The following POLR3B variants were observed in gnomAD, a reference collection of about 807,000 sequenced individuals.
The protein encoded by POLR3B is DNA-directed RNA polymerase III subunit RPC2.
In POLR3B, 96 loss-of-function variants were observed where a neutral mutation model predicts 147.4. The observed-to-expected ratio is 0.65, with a 90% CI of 0.55 to 0.77. The LOEUF (loss-of-function observed/expected upper bound fraction) is 0.77. POLR3B is among the 30% of genes least tolerant of loss of function. The probability of loss-of-function intolerance (pLI) is 0.00; values close to 1 mark genes in which losing one functional copy is unlikely to be tolerated. For missense variants in POLR3B, 1,036 were observed against 1,413.5 expected (o/e 0.73, Z 4.28); for synonymous variants, 461 against 485.9 (o/e 0.95, Z 0.67).
intron 12 of POLR3B, among the ~76,000 whole-genome samples, chr12:106,411,210 C>T (rs188998624): frequency 1.5e-4 from 23 of 152,234 alleles, no homozygotes; most frequent in Admixed American, 1.5e-3. Flanking sequence ...ACGATCTCAG[C>T]TCACTGCAAC....
intron 23 of POLR3B, among the ~76,000 whole-genome samples, chr12:106,473,856 T>G (rs911553233): frequency 2.7e-5 from 4 of 150,158 alleles, no homozygotes; most frequent in African/African-American, 9.8e-5. Context: ...TACCCTTTAT[T>G]TCCTTCTCCT....
At chr12:106,383,834 C>T (rs560904071) in intron 9 of POLR3B, among the ~76,000 whole-genome samples, 90 of 151,952 alleles carry the variant, frequency 5.9e-4, no homozygotes, top group African/African-American at 2.0e-3. Flanking sequence ...AAAAATTAGC[C>T]GGGTGTGGTG....
chr12:106,451,188 A>G (rs961289115), intron 19 of POLR3B, among the ~76,000 whole-genome samples: 2 of 152,136 alleles, frequency 1.3e-5, no homozygotes, highest in African/African-American at 4.8e-5. Flanking sequence ...GGGGTTAGGA[A>G]TGTTCTGAAT....
intron 1 of POLR3B, chr12:106,358,208 G>A (rs2036416954): frequency 1.4e-6 from 2 of 1,412,928 alleles, no homozygotes; most frequent in Admixed American, 2.9e-5. Context: ...TAGGGTTGGA[G>A]CTCTTCCAGC....
chr12:106,509,612 G>C lies in POLR3B; in HGVS notation c.*63G>C. 6.8e-7 allele frequency: 1 copy of C among 1,464,080 alleles called. No homozygotes were observed. 90.7% of individuals were successfully genotyped at this position (1,464,080 alleles called of 1,614,324 possible). A position where few individuals can be genotyped will look rare whatever the true frequency, so the allele number is the denominator to read the frequency against. ...CATCCAATGCAACGGAAAGCAGAAG[G>C]GATTTAGGACTACGTCTCCTCCTGT... On this transcript the variant is annotated 3_prime_UTR_variant, in exon 28 of 28. Transcript: ENST00000228347.
chr12:106,452,733 G>A (rs1593049237), intron 19 of POLR3B, among the ~76,000 whole-genome samples: 2 of 152,204 alleles, frequency 1.3e-5, no homozygotes, highest in South Asian at 2.1e-4. Context: ...TTATTAGTTG[G>A]CACTAAAATA....
chr12:106,457,224 A>G lies in POLR3B; in HGVS notation c.2380A>G (p.Met794Val). Reference protein sequence around the residue: ...NQTFDKVMGPMLDAATRKPIW... With the variant: ...NQTFDKVMGPVLDAATRKPIW... ...GACTTTTGATAAAGTGATGGGGCCCATGTTGGATGCTGCTACAAGGAAACC... is the reference window on the plus strand; with the variant it reads ...GACTTTTGATAAAGTGATGGGGCCCGTGTTGGATGCTGCTACAAGGAAACC... The change falls in exon 21 of 28, where the codon ATG becomes GTG. Residue 794 changes from methionine (M) to valine (V), a missense_variant. Physicochemically the swap from Met to Val is conservative, Grantham distance 21. Coordinates refer to ENST00000228347, the MANE Select transcript of POLR3B (RefSeq NM_018082.6). 1 of 1,613,222 alleles carries G rather than the reference A, an allele frequency of 6.2e-7. No individual in the cohort carries two copies. The highest frequency in any genetic ancestry group is 8.5e-7 in the Non-Finnish European group (1 of 1,179,184).
chr12:106,468,501 C>A (rs2038039960), intron 23 of POLR3B, among the ~76,000 whole-genome samples: 1 of 152,104 alleles, frequency 6.6e-6, no homozygotes, highest in Non-Finnish European at 1.5e-5. Context: ...AATGTGTTTG[C>A]TCTTGCTTCT....
At chr12:106,470,834 C>T (rs927106571) in intron 23 of POLR3B, among the ~76,000 whole-genome samples, 3 of 152,110 alleles carry the variant, frequency 2.0e-5, no homozygotes, top group African/African-American at 4.8e-5. Flanking sequence ...CTGGAAGCTT[C>T]GTCCCAGAGG....
In POLR3B at chr12:106,465,899, T is replaced by G. The variant is rs534306370; in HGVS notation, c.2713+2279T>G. Among the ~76,000 whole-genome samples, 4 of 152,348 alleles carry G rather than the reference T, an allele frequency of 2.6e-5. No individual in the cohort carries two copies. The East Asian group carries it at 5.8e-4, about 22-fold the overall frequency. ...TGGGTTGGTTCCAAGTCTTTACTAT[T>G]GTGAATAGTGCCACAATAAACATAC... On this transcript the variant is annotated intron_variant, in intron 23 of 27. Coordinates refer to ENST00000228347, the MANE Select transcript of POLR3B (RefSeq NM_018082.6).
intron 10 of POLR3B, among the ~76,000 whole-genome samples, chr12:106,396,936 TTTGTTG>T (rs201704192): frequency 1.1e-4 from 16 of 151,292 alleles, no homozygotes; most frequent in Non-Finnish European, 1.5e-4. Context: ...TACCAAAGGT[TTTGTTG>T]TTGTTGTTGT....
At chr12:106,483,183 C>T (rs963244964) in intron 23 of POLR3B, among the ~76,000 whole-genome samples, 3 of 152,134 alleles carry the variant, frequency 2.0e-5, no homozygotes, top group Non-Finnish European at 2.9e-5. Context: ...GCTCACATTC[C>T]GCAAATGCTG....
At chr12:106,367,032 C>T (rs753617516) in intron 4 of POLR3B, among the ~76,000 whole-genome samples, 22 of 152,076 alleles carry the variant, frequency 1.4e-4, no homozygotes, top group African/African-American at 4.3e-4. Context: ...GAATCTGGGA[C>T]GGGGAGATTT....
At chr12:106,451,933 A>G (rs897011343) in intron 19 of POLR3B, among the ~76,000 whole-genome samples, 3 of 152,208 alleles carry the variant, frequency 2.0e-5, no homozygotes, top group Non-Finnish European at 4.4e-5. Context: ...ATTGGAGACC[A>G]TAGTACAGCA....
At position 106,501,452 on chromosome 12, in the gene POLR3B, T is replaced by A. The variant is rs373229778; in HGVS notation, c.3098+16T>A. Reference sequence around the variant, plus strand: ...TCCTTACCAGGTAAGAGAAAAGTACTTACAAAAAGAATTGATAATGCAGTC... The same window carrying A: ...TCCTTACCAGGTAAGAGAAAAGTACATACAAAAAGAATTGATAATGCAGTC... On this transcript the variant is annotated intron_variant, in intron 26 of 27. Transcript: ENST00000228347. 3.5e-6 allele frequency: 5 copies of A among 1,447,274 alleles called. No individual in the cohort carries two copies. Among genetic ancestry groups the A allele is most frequent in the Non-Finnish European group, 4.9e-6 (5 of 1,028,276 alleles). The allele number at this position is 1,447,274 out of a possible 1,614,324, so 89.7% of individuals were successfully genotyped here.
At chr12:106,363,829 C>T (rs1396537773) in intron 1 of POLR3B, 41 bp from the exon 2 acceptor site, 31 of 1,504,348 alleles carry the variant, frequency 2.1e-5, no homozygotes, top group Non-Finnish European at 2.9e-5. Context: ...AGTACTGTTG[C>T]TGGTACAGAG....
intron 18 of POLR3B, among the ~76,000 whole-genome samples, chr12:106,442,791 T>C (rs1190645566): frequency 2.0e-5 from 3 of 152,072 alleles, no homozygotes; most frequent in Admixed American, 6.6e-5. Flanking sequence ...GAGGGAAAAA[T>C]AGCGGGTCCA....
chr12:106,370,927 T>C (rs1466015033), intron 6 of POLR3B, among the ~76,000 whole-genome samples: 1 of 152,192 alleles, frequency 6.6e-6, no homozygotes, highest in Non-Finnish European at 1.5e-5. Flanking sequence ...CCACCGCGCC[T>C]GGCCTATCAG....
chr12:106,506,022 G>A (rs1477608598), intron 27 of POLR3B, among the ~76,000 whole-genome samples: 1 of 152,190 alleles, frequency 6.6e-6, no homozygotes, highest in African/African-American at 2.4e-5. Flanking sequence ...TAACAGAAGA[G>A]GTGGCCATTT....
Sources: gnomAD v4.1 joint callset for allele counts (sites outside exome capture counted in the v4.1 genomes callset) on GRCh38, gnomAD v4.1.1 for gene constraint, MANE v1.5 for transcripts, NCBI Gene and HGNC (gene_info 2026-07-23, HGNC 2026-07-21) for gene names.